FER: variants seen among roughly 807,000 people sequenced by gnomAD.
The protein encoded by FER is tyrosine-protein kinase Fer.
Under a neutral mutation model 111.0 loss-of-function variants are expected in FER, and 63 were observed. The ratio of observed to expected loss-of-function variants is 0.57; its 90% confidence interval spans 0.46 to 0.70. The LOEUF (loss-of-function observed/expected upper bound fraction) is 0.70. Ranked by LOEUF, FER falls within the 30% of genes least tolerant of loss-of-function variation. The pLI is 0.00. For synonymous variants in FER, 327 were observed against 313.9 expected, an observed-to-expected ratio of 1.04 and a Z score of -0.44; for missense variants, 914 against 954.0, an observed-to-expected ratio of 0.96 and a Z score of 0.55.
chr5:108,952,242 A>G (rs945636605), intron 11 of FER, among the ~76,000 whole-genome samples: 5 of 152,112 alleles, frequency 3.3e-5, no homozygotes, highest in Admixed American at 6.6e-5. Context: ...AAGATGGGAT[A>G]TTTGAGGTAG....
At chr5:108,837,631 A>G (rs934740662) in intron 5 of FER, among the ~76,000 whole-genome samples, 2 of 152,202 alleles carry the variant, frequency 1.3e-5, no homozygotes, top group South Asian at 2.1e-4. Context: ...AAAGAAATAC[A>G]TAAGTACTTT....
intron 16 of FER, among the ~76,000 whole-genome samples, chr5:109,073,715 A>C (rs1776019704): frequency 1.3e-5 from 2 of 152,046 alleles, no homozygotes; most frequent in African/African-American, 4.8e-5. Flanking sequence ...ATATTCCAAA[A>C]TTCATGCATA....
chr5:109,013,985 CT>C (rs1210605688), intron 13 of FER, among the ~76,000 whole-genome samples: 6 of 151,580 alleles, frequency 4.0e-5, no homozygotes, highest in Non-Finnish European at 7.4e-5. Context: ...GATATTAGCC[CT>C]TTGTCAGATG....
At chr5:108,871,276 T>A (rs961904643) in intron 6 of FER, 89 bp from the exon 7 acceptor site, 21 of 1,071,972 alleles carry the variant, frequency 2.0e-5, no homozygotes, top group Non-Finnish European at 2.8e-5. Context: ...ACATTACATT[T>A]CTTATGCTTA....
intron 2 of FER, among the ~76,000 whole-genome samples, chr5:108,780,721 T>C (rs1387481213): frequency 6.7e-6 from 1 of 149,160 alleles, no homozygotes; most frequent in African/African-American, 2.5e-5. Context: ...TCAAATATTT[T>C]TTCTGTTCCT....
At chr5:109,036,365 T>A (rs1234815496) in intron 13 of FER, among the ~76,000 whole-genome samples, 1 of 152,046 alleles carries the variant, frequency 6.6e-6, no homozygotes, top group Non-Finnish European at 1.5e-5. Context: ...TAACAGAGAG[T>A]GTTGGTTGAG....
chr5:109,194,792 A>T lies in FER; in HGVS notation c.*7217A>T, dbSNP rs1364663658. ...AGCAAAAAACTGAGCAGGAAAGGAA[A>T]CAGAATCCAAAGTCATTTTTCATAT... On this transcript the variant is annotated 3_prime_UTR_variant, in exon 20 of 20. Transcript: ENST00000281092. 24 of 151,312 alleles carry T rather than the reference A, an allele frequency of 1.6e-4. No individual in the cohort carries two copies. The highest frequency in any genetic ancestry group is 1.5e-3 in the Admixed American group (23 of 15,172). 9.4% of individuals were successfully genotyped at this position (151,312 alleles called of 1,614,324 possible).
chr5:108,966,942 G>T (rs1759933350), intron 13 of FER, among the ~76,000 whole-genome samples: 1 of 152,070 alleles, frequency 6.6e-6, no homozygotes, highest in African/African-American at 2.4e-5. Context: ...CTCGTAAACT[G>T]CATTTTTCAT....
chr5:109,097,014 G>A (rs1462023799), intron 16 of FER, among the ~76,000 whole-genome samples: 1 of 148,224 alleles, frequency 6.7e-6, no homozygotes, highest in African/African-American at 2.5e-5. Flanking sequence ...AAGTATAATA[G>A]TATAATAAAT....
chr5:108,852,025 A>G (rs1048366797), intron 5 of FER, among the ~76,000 whole-genome samples: 1 of 152,196 alleles, frequency 6.6e-6, no homozygotes, highest in African/African-American at 2.4e-5. Flanking sequence ...GTGGGGAAAC[A>G]AACTATCTTC....
intron 7 of FER, 97 bp from the exon 8 acceptor site, chr5:108,871,996 T>G (rs1471608439): frequency 3.2e-6 from 4 of 1,244,968 alleles, no homozygotes; most frequent in Non-Finnish European, 3.3e-6. Flanking sequence ...GTTAACATAA[T>G]TTTGGATAAA....
intron 2 of FER, among the ~76,000 whole-genome samples, chr5:108,776,083 C>G (rs1753450464): frequency 6.6e-6 from 1 of 152,072 alleles, no homozygotes; most frequent in Non-Finnish European, 1.5e-5. Flanking sequence ...AGTCTTTATA[C>G]AAACATATTC....
Position 109,196,103 on chromosome 5 carries a change from T to C in FER, c.*8528T>C, listed in dbSNP as rs894863946. The C allele has an allele frequency of 6.6e-6, 1 of 152,254 alleles. No individual in the cohort carries two copies. The highest frequency in any genetic ancestry group is 1.5e-5 in the Non-Finnish European group (1 of 68,066). 9.4% of individuals were successfully genotyped at this position (152,254 alleles called of 1,614,324 possible). On this transcript the variant is annotated 3_prime_UTR_variant, in exon 20 of 20. Transcript: ENST00000281092. ...AAGTTCCAGCAACAGCCCTGACTTC[T>C]TCAGGAATCCAAGCAAATTGAAAGC... is the stretch of plus-strand genomic sequence containing the variant.
chr5:108,822,766 T>TC (rs1759025176), intron 3 of FER, among the ~76,000 whole-genome samples: 1 of 149,082 alleles, frequency 6.7e-6, no homozygotes, highest in Non-Finnish European at 1.5e-5. Context: ...TTATTTTATT[T>TC]ATTTTATTTT....
chr5:108,761,845 C>G (rs756106272), intron 1 of FER, among the ~76,000 whole-genome samples: 3 of 152,148 alleles, frequency 2.0e-5, no homozygotes, highest in African/African-American at 2.4e-5. Context: ...CCTTCACTTT[C>G]TGTTATTGAC....
At chr5:108,882,563 C>T (rs969207194) in intron 8 of FER, among the ~76,000 whole-genome samples, 7 of 151,734 alleles carry the variant, frequency 4.6e-5, no homozygotes, top group African/African-American at 9.7e-5. Context: ...TTTTTCTGCA[C>T]GAAAAGGGCT....
intron 17 of FER, among the ~76,000 whole-genome samples, chr5:109,144,075 C>T (rs1753804983): frequency 6.6e-6 from 1 of 152,010 alleles, no homozygotes; most frequent in African/African-American, 2.4e-5. Flanking sequence ...AAATCCATTA[C>T]TCACCACAAA....
At chr5:108,911,344 GTTCCCTATAGATTCT>G (rs1275962915) in intron 10 of FER, among the ~76,000 whole-genome samples, 1 of 151,874 alleles carries the variant, frequency 6.6e-6, no homozygotes, top group Non-Finnish European at 1.5e-5. Flanking sequence ...TGTTGTTTCA[GTTCCCTATAGATTCT>G]GGATATTAGT....
chr5:109,065,897 T>C (rs1275902700), intron 16 of FER, among the ~76,000 whole-genome samples: 1 of 152,208 alleles, frequency 6.6e-6, no homozygotes, highest in African/African-American at 2.4e-5. Context: ...ACCTACAAAA[T>C]GTAACCTTTG....
Sources: allele counts gnomAD v4.1 joint callset (sites outside exome capture counted in the v4.1 genomes callset), GRCh38; gene constraint gnomAD v4.1.1; transcripts MANE v1.5; gene names NCBI Gene and HGNC (gene_info 2026-07-23, HGNC 2026-07-21).